The following CUX2 variants were observed in gnomAD, a reference collection of about 807,000 sequenced individuals.
CUX2 encodes the protein cut like homeobox 2.
In CUX2, 40 loss-of-function variants were observed where a neutral mutation model predicts 144.8. The ratio of observed to expected loss-of-function variants is 0.28; its 90% confidence interval spans 0.21 to 0.36. CUX2 has a LOEUF of 0.36. Among genes scored for constraint, CUX2 ranks in the 10% least tolerant of loss-of-function variants. CUX2 has a pLI of 1.00. For missense variants in CUX2, 1,615 were observed against 1,994.0 expected, an observed-to-expected ratio of 0.81 and a Z score of 3.62; for synonymous variants, 827 against 875.6, an observed-to-expected ratio of 0.94 and a Z score of 0.98.
Position 111,320,738 on chromosome 12 carries a change from C to T in CUX2, c.2729C>T (p.Ala910Val). Reference protein sequence around the residue: ...ELTRQVKEKLAKNGICQRIFG... With the variant: ...ELTRQVKEKLVKNGICQRIFG... The stretch of plus-strand genomic sequence containing the variant: ...ACCCGCCAGGTCAAGGAGAAGCTGG[C>T]CAAGAACGGCATCTGCCAGAGGATC... Residue 910 changes from alanine to valine, a missense_variant, in exon 17 of 22, where the codon GCC (alanine) becomes GTC (valine). Coordinates refer to ENST00000261726, the MANE Select transcript of CUX2 (RefSeq NM_015267.4). This position sits in a 1 kb window ranked among gnomAD's most constrained non-coding sequence, Gnocchi z 8.1. 2 of 1,581,778 alleles carry T rather than the reference C, an allele frequency of 1.3e-6. No homozygotes were observed. The highest frequency in any genetic ancestry group is 2.3e-5 in the East Asian group (1 of 43,430).
rs201856438 is a variant in CUX2 at position 111,307,099 on chromosome 12, C to G, written c.1037C>G (p.Ser346Cys). The G allele has an allele frequency of 1.6e-4, 254 of 1,612,734 alleles. No individual in the cohort carries two copies. Among genetic ancestry groups the G allele is most frequent in the Non-Finnish European group, 2.1e-4 (245 of 1,179,098 alleles). The change falls in exon 11 of 22, where the codon TCC (serine) becomes TGC (cysteine). Residue 346 changes from serine (S) to cysteine (C), a missense_variant. By Grantham distance (112) the Ser-to-Cys change is moderately radical (BLOSUM62 -1). This residue lies in a region of CUX2 where 295 missense variants were observed against 400.2 expected (regional missense o/e 0.74). Transcript: ENST00000261726. This position sits in a 1 kb window ranked among gnomAD's most constrained non-coding sequence, Gnocchi z 4.1. ...CTGGAGCGGCAGCTCACGGCCAAGT[C>G]CGAGGCCATAGAAGTGGGTCCTGGG... is the stretch of plus-strand genomic sequence containing the variant. ...ADLERQLTAK[S>C]EAIEKLEEKL...
In CUX2 at chr12:111,347,249, G is replaced by A. The variant is rs530748345; in HGVS notation, c.3660-275G>A. On this transcript the variant is annotated intron_variant, in intron 21 of 21. Coordinates refer to ENST00000261726, the MANE Select transcript of CUX2 (RefSeq NM_015267.4). ...TCATGAGCTTTGGGATTCAGTAGTC[G>A]TGTGTTCAAGTCTCGGTTCTGCCAC... is the stretch of plus-strand genomic sequence containing the variant. Among the ~76,000 whole-genome samples the A allele has an allele frequency of 2.9e-4, 44 of 152,256 alleles. No individual in the cohort carries two copies. In the South Asian group the frequency reaches 7.9e-3, roughly 27 times the overall value.
intron 16 of CUX2, among the ~76,000 whole-genome samples, chr12:111,316,729 C>T (rs536689160): frequency 2.2e-4 from 34 of 152,168 alleles, no homozygotes; most frequent in Non-Finnish European, 3.5e-4. Flanking sequence ...GGATTACAGA[C>T]GTGAACCACC....
At chr12:111,274,780 A>G (rs1884783164) in intron 4 of CUX2, among the ~76,000 whole-genome samples, 2 of 152,156 alleles carry the variant, frequency 1.3e-5, no homozygotes, top group African/African-American at 4.8e-5. Context: ...TGTCTCGAAG[A>G]TATTTTGGAG....
intron 18 of CUX2, among the ~76,000 whole-genome samples, chr12:111,331,654 T>C (rs1016696471): frequency 2.6e-5 from 4 of 152,146 alleles, no homozygotes; most frequent in African/African-American, 9.7e-5. Context: ...TGTATAATGC[T>C]ACGTGTCTTA....
chr12:111,256,816 T>C (rs1374276772), intron 3 of CUX2, among the ~76,000 whole-genome samples: 1 of 152,120 alleles, frequency 6.6e-6, no homozygotes, highest in Admixed American at 6.5e-5. Context: ...CCTAAAGGTG[T>C]GCTTGGGGGA....
rs59303212 is a variant in CUX2, at chr12:111,263,733, G to A, written c.223-28G>A. 0.028 allele frequency: 43,964 copies of A among 1,579,878 alleles called. 3,721 individuals carry two copies. Among genetic ancestry groups the A allele is most frequent in the East Asian group, 0.22 (9,963 of 44,696 alleles). ...GCAGACACAGATGCCATGGTTACAC[G>A]TGACTCTTTCTCTTGTTGTCTCCAA... On this transcript the variant is annotated intron_variant, in intron 3 of 21. Coordinates refer to ENST00000261726, the MANE Select transcript of CUX2 (RefSeq NM_015267.4). The surrounding 1 kb of genome is among the most constrained non-coding windows in gnomAD (Gnocchi z 4.0).
chr12:111,260,882 C>T (rs772777065), intron 3 of CUX2, among the ~76,000 whole-genome samples: 16 of 152,166 alleles, frequency 1.1e-4, no homozygotes, highest in Non-Finnish European at 2.2e-4. Flanking sequence ...CTCAGGCAAC[C>T]GTAAAATGGA....
At position 111,059,276 on chromosome 12, in the gene CUX2, T is replaced by C. The variant is rs540354572; in HGVS notation, c.63+25036T>C. ...CGGGGAGGTGGGAGGGGAGGAGGGC[T>C]ACATTTCCATTCTGGAATTGGGCCC... On this transcript the variant is annotated intron_variant, in intron 1 of 21. Coordinates refer to ENST00000261726, the MANE Select transcript of CUX2 (RefSeq NM_015267.4). The surrounding 1 kb of genome is among the most constrained non-coding windows in gnomAD (Gnocchi z 5.3). 1.3e-5 allele frequency among the ~76,000 whole-genome samples: 2 copies of C among 152,206 alleles called. No homozygotes were observed. The highest frequency in any genetic ancestry group is 4.8e-5 in the African/African-American group (2 of 41,552).
intron 1 of CUX2, among the ~76,000 whole-genome samples, chr12:111,063,650 G>T (rs970603427): frequency 6.6e-6 from 1 of 152,258 alleles, no homozygotes; most frequent in Non-Finnish European, 1.5e-5. Flanking sequence ...TTCTCAGGCA[G>T]GCTGGCTCCT....
At chr12:111,048,385 C>G (rs1870099458) in intron 1 of CUX2, among the ~76,000 whole-genome samples, 1 of 152,212 alleles carries the variant, frequency 6.6e-6, no homozygotes, top group Non-Finnish European at 1.5e-5. Context: ...GACTAGCACT[C>G]TACAGCATTG....
At chr12:111,238,925 G>A (rs1165139348) in intron 3 of CUX2, among the ~76,000 whole-genome samples, 4 of 152,176 alleles carry the variant, frequency 2.6e-5, no homozygotes, top group Admixed American at 2.6e-4. Context: ...CATGCCTGTA[G>A]TCTCAGCTAC....
At chr12:111,194,560 G>A (rs544456860) in intron 1 of CUX2, among the ~76,000 whole-genome samples, 3 of 152,282 alleles carry the variant, frequency 2.0e-5, no homozygotes, top group South Asian at 2.1e-4. Context: ...ATGCAGCACC[G>A]ATCGGCCAGA....
At chr12:111,038,452 CCT>C (rs1869568910) in intron 1 of CUX2, among the ~76,000 whole-genome samples, 1 of 152,234 alleles carries the variant, frequency 6.6e-6, no homozygotes, top group African/African-American at 2.4e-5. Flanking sequence ...GGCTCAGCCC[CCT>C]GAGAGGGGTT....
chr12:111,345,247 A>C (rs1224192567), intron 21 of CUX2, among the ~76,000 whole-genome samples: 2 of 151,122 alleles, frequency 1.3e-5, no homozygotes, highest in Non-Finnish European at 3.0e-5. Context: ...CAAGAGATCG[A>C]GACCATCCTG....
intron 1 of CUX2, among the ~76,000 whole-genome samples, chr12:111,177,181 AAT>A (rs1566274946): frequency 6.6e-6 from 1 of 151,870 alleles, no homozygotes; most frequent in African/African-American, 2.4e-5. Flanking sequence ...ATGCATCCAA[AAT>A]GTTTTCCGTG....
chr12:111,158,478 A>T (rs1414158295), intron 1 of CUX2, among the ~76,000 whole-genome samples: 1 of 150,774 alleles, frequency 6.6e-6, no homozygotes, highest in African/African-American at 2.5e-5. Context: ...TTATTAAAAA[A>T]AAAAAAAAAA....
At chr12:111,196,865 AT>A (rs1220501754) in intron 1 of CUX2, among the ~76,000 whole-genome samples, 7 of 152,170 alleles carry the variant, frequency 4.6e-5, no homozygotes, top group African/African-American at 1.7e-4. Context: ...ACCACTCAGT[AT>A]GTTCTGGGTC....
chr12:111,181,360 A>T (rs1232696492), intron 1 of CUX2, among the ~76,000 whole-genome samples: 1 of 152,160 alleles, frequency 6.6e-6, no homozygotes, highest in African/African-American at 2.4e-5. Flanking sequence ...TTTTGATGAA[A>T]CCCATGAAAA....
Sources: gnomAD v4.1 joint callset for allele counts (sites outside exome capture counted in the v4.1 genomes callset) on GRCh38, gnomAD v4.1.1 for gene constraint, gnomAD v4.1.1 regional missense constraint, Gnocchi (gnomAD v3.1) non-coding constraint, MANE v1.5 for transcripts, NCBI Gene and HGNC (gene_info 2026-07-23, HGNC 2026-07-21) for gene names.